PWP1: variants seen among roughly 807,000 people sequenced by gnomAD.
The protein encoded by PWP1 is periodic tryptophan protein 1 homolog.
PWP1 carries 47 observed loss-of-function variants against 69.9 expected under a neutral mutation model. The observed-to-expected ratio is 0.67, with a 90% CI of 0.53 to 0.86. The LOEUF (loss-of-function observed/expected upper bound fraction) is 0.86, where lower values mean the gene tolerates loss of function less well. Ranked by LOEUF, PWP1 falls within the 40% of genes least tolerant of loss-of-function variation. PWP1 has a pLI of 0.00. For synonymous variants in PWP1, 222 were observed against 208.2 expected (o/e 1.07, Z -0.57); for missense variants, 551 against 608.8 (o/e 0.91, Z 1.00).
chr12:107,691,024 G>A (rs1266415393), intron 3 of PWP1, among the ~76,000 whole-genome samples: 1 of 152,164 alleles, frequency 6.6e-6, no homozygotes, highest in African/African-American at 2.4e-5. Flanking sequence ...AGTAGGCTCT[G>A]GGTAGAGATG....
intron 13 of PWP1, 96 bp from the exon 14 acceptor site, chr12:107,710,309 C>T (rs759689035): frequency 9.2e-5 from 140 of 1,518,318 alleles, no homozygotes; most frequent in Non-Finnish European, 1.2e-4. Flanking sequence ...TTTGAATAAC[C>T]ATTTAAATCA....
chr12:107,708,870 C>T, intron 11 of PWP1, 56 bp from the exon 12 acceptor site: 1 of 1,470,316 alleles, frequency 6.8e-7, no homozygotes, highest in Non-Finnish European at 9.5e-7. Context: ...AGACTTTTTA[C>T]CCATTGTTAG....
chr12:107,705,702 C>T (rs1009256439), intron 11 of PWP1, among the ~76,000 whole-genome samples: 15 of 152,178 alleles, frequency 9.9e-5, no homozygotes, highest in Admixed American at 9.2e-4. Flanking sequence ...AGGACATGAA[C>T]TCATTCTTTT....
intron 3 of PWP1, among the ~76,000 whole-genome samples, chr12:107,691,019 G>A (rs1889470448): frequency 6.6e-6 from 1 of 152,180 alleles, no homozygotes; most frequent in Non-Finnish European, 1.5e-5. Flanking sequence ...GAGTAAGTAG[G>A]CTCTGGGTAG....
chr12:107,690,405 G>C (rs1414496157), intron 3 of PWP1, among the ~76,000 whole-genome samples: 1 of 152,120 alleles, frequency 6.6e-6, no homozygotes, highest in Non-Finnish European at 1.5e-5. Flanking sequence ...GTTATAATCA[G>C]GCACTTAAAA....
At chr12:107,708,868 T>A in intron 11 of PWP1, 58 bp from the exon 12 acceptor site, 1 of 1,460,314 alleles carries the variant, frequency 6.8e-7, no homozygotes, top group Non-Finnish European at 9.6e-7. Flanking sequence ...TTAGACTTTT[T>A]ACCCATTGTT....
At chr12:107,689,379 G>A (rs1220334421) in intron 3 of PWP1, among the ~76,000 whole-genome samples, 1 of 152,102 alleles carries the variant, frequency 6.6e-6, no homozygotes, top group African/African-American at 2.4e-5. Flanking sequence ...CACCACTGAG[G>A]GTCTTGGAAT....
rs774707957 is a variant in PWP1 at position 107,697,475 on chromosome 12, A to G, written c.622A>G (p.Ile208Val). 5 of 1,581,898 alleles carry G rather than the reference A, an allele frequency of 3.2e-6. No individual in the cohort carries two copies. Among genetic ancestry groups the G allele is most frequent in the South Asian group, 2.3e-5 (2 of 85,456 alleles). ...PSPDDSTGNYIAVGNMTPVIE... is the reference protein window; with the variant it reads ...PSPDDSTGNYVAVGNMTPVIE... Reference sequence around the variant, plus strand: ...ATTGTTTCCTCCCATAGGAAATTACATTGCTGTAGGAAACATGACCCCTGT... The same window carrying G: ...ATTGTTTCCTCCCATAGGAAATTACGTTGCTGTAGGAAACATGACCCCTGT... Residue 208 changes from isoleucine (I) to valine (V), a missense_variant, in exon 7 of 15, where the codon ATT becomes GTT. Ile to Val is a conservative substitution (Grantham distance 29, BLOSUM62 3). Coordinates refer to ENST00000412830, the MANE Select transcript of PWP1 (RefSeq NM_007062.3).
chr12:107,699,503 C>A, intron 8 of PWP1, 69 bp downstream of exon 8: 1 of 1,249,154 alleles, frequency 8.0e-7, no homozygotes, highest in Non-Finnish European at 1.2e-6. Flanking sequence ...CATGCCTACA[C>A]TCATCTCTTT....
At chr12:107,711,188 C>T (rs1889945282) in intron 14 of PWP1, among the ~76,000 whole-genome samples, 2 of 152,230 alleles carry the variant, frequency 1.3e-5, no homozygotes, top group Admixed American at 6.5e-5. Flanking sequence ...TAGTTAACTG[C>T]AGCAGGAACA....
At chr12:107,690,138 A>G (rs1889451715) in intron 3 of PWP1, among the ~76,000 whole-genome samples, 2 of 152,220 alleles carry the variant, frequency 1.3e-5, no homozygotes, top group South Asian at 4.1e-4. Context: ...ATGATCGGAA[A>G]CAAAAATTAA....
rs181930211 is a variant in PWP1, at chr12:107,692,122, G to A, written c.320-692G>A. ...TGGCATTCAGAATCAGCTCTTTCTC[G>A]TGTAGCAGAAATTGCTTTCTCTGTT... On this transcript the variant is annotated intron_variant, in intron 3 of 14. Coordinates refer to ENST00000412830, the MANE Select transcript of PWP1 (RefSeq NM_007062.3). Among the ~76,000 whole-genome samples the A allele has an allele frequency of 1.8e-4, 27 of 152,276 alleles. No individual in the cohort carries two copies. The East Asian group carries it at 4.3e-3, about 24-fold the overall frequency.
intron 14 of PWP1, 91 bp downstream of exon 14, chr12:107,710,601 T>G: frequency 2.1e-6 from 3 of 1,420,142 alleles, no homozygotes; most frequent in Non-Finnish European, 2.8e-6. Context: ...TTGCCCAGGC[T>G]GGTCTCAAAC....
Position 107,693,205 on chromosome 12 carries a change from G to A in PWP1, c.502+109G>A, listed in dbSNP as rs1889520687. ...CCAGATCCTATTGTATCTCATTTAAGTTGGTTACATAGTTAACTTTTACAC... is the reference window on the plus strand; with the variant it reads ...CCAGATCCTATTGTATCTCATTTAAATTGGTTACATAGTTAACTTTTACAC... On this transcript the variant is annotated intron_variant, in intron 5 of 14. Coordinates refer to ENST00000412830, the MANE Select transcript of PWP1 (RefSeq NM_007062.3). 7 of 1,435,324 alleles carry A rather than the reference G, an allele frequency of 4.9e-6. No individual in the cohort carries two copies. In the East Asian group the frequency reaches 9.9e-5, roughly 20 times the overall value. The allele number at this position is 1,435,324 out of a possible 1,614,324, so 88.9% of individuals were successfully genotyped here.
chr12:107,702,992 G>C lies in PWP1; in HGVS notation c.864G>C (p.Leu288Phe), dbSNP rs11547907. The stretch of plus-strand genomic sequence containing the variant: ...CTGTAATTCTGTGGGATATGTCCTT[G>C]GGGAAACCAGCAGCTAGCCTCGCTG... ...DNTVILWDMS[L>F]GKPAASLAVH... The change falls in exon 9 of 15, where the codon TTG (leucine) becomes TTC (phenylalanine). Residue 288 changes from leucine (L) to phenylalanine (F), a missense_variant. Leu to Phe is a conservative substitution (Grantham distance 22). Coordinates refer to ENST00000412830, the MANE Select transcript of PWP1 (RefSeq NM_007062.3). 0.04 allele frequency: 63,766 copies of C among 1,611,230 alleles called. 1,607 individuals are homozygous for C. The highest frequency in any genetic ancestry group is 0.084 in the South Asian group (7,615 of 90,994).
Position 107,688,616 on chromosome 12 carries a change from G to C in PWP1, c.133G>C (p.Glu45Gln). Residue 45 changes from glutamate (E) to glutamine (Q), a missense_variant and splice_region_variant, in exon 3 of 15, where the codon GAA (glutamate) becomes CAA (glutamine). Physicochemically the swap from Glu to Gln is conservative, Grantham distance 29. Transcript: ENST00000412830. ...CTCTTTTTCTTTCTGTGCTCATAGA[G>C]AAGAAGGTGGTGGCAGTGATGAAGA... ...LIAEAKEKLQ[E>Q]EGGGSDEEET... 1 of 1,613,656 alleles carries C rather than the reference G, an allele frequency of 6.2e-7. No homozygotes were observed. Among genetic ancestry groups the C allele is most frequent in the East Asian group, 2.2e-5 (1 of 44,872 alleles).
At chr12:107,696,066 T>A (rs1889579833) in intron 5 of PWP1, among the ~76,000 whole-genome samples, 1 of 131,350 alleles carries the variant, frequency 7.6e-6, no homozygotes, top group Admixed American at 9.2e-5. Flanking sequence ...AGAGTCTCAC[T>A]ATGTCGCCCA....
At chr12:107,699,766 C>T (rs896126978) in intron 8 of PWP1, among the ~76,000 whole-genome samples, 3 of 152,170 alleles carry the variant, frequency 2.0e-5, no homozygotes, top group African/African-American at 4.8e-5. Flanking sequence ...GTTTAGTTTT[C>T]ACATCTCACC....
intron 11 of PWP1, among the ~76,000 whole-genome samples, chr12:107,705,372 GTTTT>G (rs549542883): frequency 7.1e-6 from 1 of 141,320 alleles, no homozygotes; most frequent in Non-Finnish European, 1.6e-5. Context: ...GTGAGAAAGA[GTTTT>G]TTTTTTTTTT....
Sources: allele counts gnomAD v4.1 joint callset (sites outside exome capture counted in the v4.1 genomes callset), GRCh38; gene constraint gnomAD v4.1.1; transcripts MANE v1.5; gene names NCBI Gene and HGNC (gene_info 2026-07-23, HGNC 2026-07-21).